Variants in CRIM1 observed in about 807,000 individuals in gnomAD.
CRIM1 encodes the protein cysteine rich transmembrane BMP regulator 1.
In CRIM1, 32 loss-of-function variants were observed where a neutral mutation model predicts 116.4. That is an observed-to-expected ratio of 0.27 (90% CI 0.21 to 0.37). CRIM1 has a LOEUF of 0.37. Ranked by LOEUF, CRIM1 falls within the 10% of genes least tolerant of loss-of-function variation. The pLI, the probability that CRIM1 is intolerant of heterozygous loss-of-function variation, is 1.00. For synonymous variants in CRIM1, 590 were observed against 509.2 expected (o/e 1.16, Z -2.13); for missense variants, 1,331 against 1,354.8 (o/e 0.98, Z 0.28).
intron 12 of CRIM1, among the ~76,000 whole-genome samples, chr2:36,519,738 G>GT (rs1665255176): frequency 6.6e-6 from 1 of 152,142 alleles, no homozygotes. Context: ...CTCTGGCCTG[G>GT]TTTAAAGCAA....
chr2:36,362,977 C>T (rs530294175), intron 1 of CRIM1, among the ~76,000 whole-genome samples: 12 of 151,952 alleles, frequency 7.9e-5, no homozygotes, highest in South Asian at 6.2e-4. Context: ...GCAGATGGAT[C>T]GCCTGAGGTC....
intron 13 of CRIM1, among the ~76,000 whole-genome samples, chr2:36,534,894 C>T (rs2125161848): frequency 6.6e-6 from 1 of 152,172 alleles, no homozygotes; most frequent in East Asian, 1.9e-4. Context: ...AGTGATATTG[C>T]ATTGTATGGG....
intron 14 of CRIM1, among the ~76,000 whole-genome samples, chr2:36,537,764 G>T (rs912648438): frequency 1.3e-5 from 2 of 152,158 alleles, no homozygotes; most frequent in East Asian, 1.9e-4. Context: ...GAATTCCTCG[G>T]GTTCTTTTCT....
At chr2:36,499,990 C>T (rs1338987320) in intron 8 of CRIM1, among the ~76,000 whole-genome samples, 1 of 152,070 alleles carries the variant, frequency 6.6e-6, no homozygotes, top group African/African-American at 2.4e-5. Flanking sequence ...ATTTGACACA[C>T]AATATGTCAT....
intron 15 of CRIM1, among the ~76,000 whole-genome samples, chr2:36,545,284 G>A (rs1667240894): frequency 6.6e-6 from 1 of 152,152 alleles, no homozygotes; most frequent in Non-Finnish European, 1.5e-5. Context: ...CAAACCAGAT[G>A]ACCAGAAAGT....
At chr2:36,395,995 C>G (rs1439586177) in intron 1 of CRIM1, among the ~76,000 whole-genome samples, 1 of 152,132 alleles carries the variant, frequency 6.6e-6, no homozygotes, top group Non-Finnish European at 1.5e-5. Context: ...GCGTGATCAA[C>G]CTCGTGGGCT....
At chr2:36,458,301 G>A (rs1459984331) in intron 4 of CRIM1, among the ~76,000 whole-genome samples, 22 of 152,164 alleles carry the variant, frequency 1.4e-4, no homozygotes, top group Non-Finnish European at 2.9e-4. Context: ...GTGACGGGGC[G>A]AGGCAGAGGT....
At chr2:36,511,068 A>C (rs1664640707) in intron 9 of CRIM1, among the ~76,000 whole-genome samples, 1 of 151,554 alleles carries the variant, frequency 6.6e-6, no homozygotes, top group African/African-American at 2.4e-5. Context: ...CAGCCTCCCG[A>C]GTAGCTGGGA....
intron 10 of CRIM1, chr2:36,513,291 A>G: frequency 2.3e-6 from 1 of 443,382 alleles, no homozygotes; most frequent in Non-Finnish European, 4.1e-6. Context: ...ATAAAATATG[A>G]GAAAGTACAG....
Position 36,464,670 on chromosome 2 carries a change from T to C in CRIM1, c.991+15T>C, listed in dbSNP as rs758144616. 9 of 1,613,678 alleles carry C rather than the reference T, an allele frequency of 5.6e-6. No homozygotes were observed. Among genetic ancestry groups the C allele is most frequent in the Non-Finnish European group, 7.6e-6 (9 of 1,179,658 alleles). ...ATGTGTTAATGGTACGTGGGGTTTC[T>C]CTTGTTCTCAGAGAGTGTACATTTG... On this transcript the variant is annotated intron_variant, in intron 5 of 16. Coordinates refer to ENST00000280527, the MANE Select transcript of CRIM1 (RefSeq NM_016441.3).
At chr2:36,517,201 T>A (rs1665086920) in intron 11 of CRIM1, 126 bp from the exon 12 acceptor site, 1 of 697,632 alleles carries the variant, frequency 1.4e-6, no homozygotes, top group Non-Finnish European at 2.5e-6. Context: ...ATTCTCTTAA[T>A]AAGAATAGAG....
intron 1 of CRIM1, among the ~76,000 whole-genome samples, chr2:36,379,564 G>A (rs1347401876): frequency 6.6e-6 from 1 of 152,114 alleles, no homozygotes; most frequent in Non-Finnish European, 1.5e-5. Flanking sequence ...TCCGAACAGA[G>A]CACTGAACTG....
At chr2:36,505,823 G>A (rs934664658) in intron 8 of CRIM1, among the ~76,000 whole-genome samples, 9 of 152,070 alleles carry the variant, frequency 5.9e-5, no homozygotes, top group East Asian at 5.8e-4. Flanking sequence ...TTGAATCAAC[G>A]AATAAATGTT....
chr2:36,381,295 C>A (rs1365309370), intron 1 of CRIM1, among the ~76,000 whole-genome samples: 1 of 152,218 alleles, frequency 6.6e-6, no homozygotes, highest in Non-Finnish European at 1.5e-5. Flanking sequence ...AAAGGAAATG[C>A]TGCCCAGCGC....
At chr2:36,373,532 G>A (rs1408700313) in intron 1 of CRIM1, among the ~76,000 whole-genome samples, 1 of 152,162 alleles carries the variant, frequency 6.6e-6, no homozygotes, top group East Asian at 1.9e-4. Context: ...CCCAAAGATG[G>A]CACTTGGGGA....
rs373748249 is a variant in CRIM1 at position 36,356,357 on chromosome 2, G to T, written c.65G>T (p.Gly22Val). Reference protein sequence around the residue: ...GCGHLLVSLLGLLLLLARSGT... With the variant: ...GCGHLLVSLLVLLLLLARSGT... ...GGGCACCTCCTGGTCTCGCTGCTGG[G>T]GCTGCTGCTGCTGCTGGCGCGCTCC... The change falls in exon 1 of 17, where the codon GGG becomes GTG. Residue 22 changes from glycine (G) to valine (V), a missense_variant. Transcript: ENST00000280527. The surrounding 1 kb of genome is among the most constrained non-coding windows in gnomAD (Gnocchi z 4.3). The T allele has an allele frequency of 1.8e-5, 28 of 1,592,520 alleles. 1 individual carries two copies. The South Asian group carries it at 2.3e-4, about 13-fold the overall frequency.
chr2:36,470,283 G>A (rs1237471442), intron 5 of CRIM1, among the ~76,000 whole-genome samples: 1 of 152,162 alleles, frequency 6.6e-6, no homozygotes, highest in South Asian at 2.1e-4. Context: ...GCTGCATGTC[G>A]AAGCTGCAGA....
intron 5 of CRIM1, 25 bp from the exon 6 acceptor site, chr2:36,476,864 C>G (rs768436156): frequency 5.1e-6 from 8 of 1,578,640 alleles, no homozygotes; most frequent in Admixed American, 1.8e-5. Flanking sequence ...TACAAATATG[C>G]CTTGTTTGTT....
intron 1 of CRIM1, among the ~76,000 whole-genome samples, chr2:36,362,328 T>C (rs1471688856): frequency 1.3e-5 from 2 of 152,158 alleles, no homozygotes; most frequent in African/African-American, 4.8e-5. Flanking sequence ...GAATTTGAAT[T>C]TGAACTAGGT....
Sources: gnomAD v4.1 joint callset for allele counts (sites outside exome capture counted in the v4.1 genomes callset) on GRCh38, gnomAD v4.1.1 for gene constraint, Gnocchi (gnomAD v3.1) non-coding constraint, MANE v1.5 for transcripts, NCBI Gene and HGNC (gene_info 2026-07-23, HGNC 2026-07-21) for gene names.